HMGN1: variants seen among roughly 807,000 people sequenced by gnomAD.
The protein encoded by HMGN1 is non-histone chromosomal protein HMG-14.
In HMGN1, 9 loss-of-function variants were observed where a neutral mutation model predicts 18.4. The observed-to-expected ratio is 0.49, with a 90% confidence interval of 0.29 to 0.85. The LOEUF (loss-of-function observed/expected upper bound fraction) is 0.85, where lower values mean the gene tolerates loss of function less well. Among genes scored for constraint, HMGN1 ranks in the 40% least tolerant of loss-of-function variants. HMGN1 has a pLI of 0.07. For missense variants in HMGN1, 151 were observed against 119.2 expected, an observed-to-expected ratio of 1.27 and a Z score of -1.24; for synonymous variants, 59 against 45.0, an observed-to-expected ratio of 1.31 and a Z score of -1.24.
At chr21:39,348,639 CG>C (rs2037155138) in intron 1 of HMGN1, 62 bp from the exon 2 acceptor site, 3 of 1,512,396 alleles carry the variant, frequency 2.0e-6, no homozygotes, top group African/African-American at 1.4e-5. Flanking sequence ...CGGGCCCGCC[CG>C]GCCCCGAGAA....
Position 39,348,973 on chromosome 21 carries a change from G to T in HMGN1, c.-56C>A. ...CCTGCGGGGAAGGCGCGTGCCGGGT[G>T]CCTGCGGGCCGCGGCGCGCCGACAG... On this transcript the variant is annotated 5_prime_UTR_variant, in exon 1 of 6. Transcript: ENST00000380749. 1 of 1,204,744 alleles carries T rather than the reference G, an allele frequency of 8.3e-7. No individual in the cohort carries two copies. Among genetic ancestry groups the T allele is most frequent in the Non-Finnish European group, 1.0e-6 (1 of 971,338 alleles). The allele number at this position is 1,204,744 out of a possible 1,614,324, so 74.6% of individuals were successfully genotyped here. A position where few individuals can be genotyped will look rare whatever the true frequency, so the allele number is the denominator to read the frequency against.
At chr21:39,343,188 A>G in intron 5 of HMGN1, 29 bp from the exon 6 acceptor site, 1 of 1,579,246 alleles carries the variant, frequency 6.3e-7, no homozygotes, top group Non-Finnish European at 8.6e-7. Context: ...TGAGATCTTT[A>G]GCATTTAACA....
intron 5 of HMGN1, among the ~76,000 whole-genome samples, chr21:39,343,784 T>C (rs541535573): frequency 3.3e-5 from 5 of 152,324 alleles, no homozygotes; most frequent in Admixed American, 2.0e-4. Context: ...GTACTTCCCC[T>C]ATGTGAAAAC....
Position 39,348,353 on chromosome 21 carries a change from G to A in HMGN1, c.79-14C>T, listed in dbSNP as rs1236679312. The A allele has an allele frequency of 1.1e-5, 18 of 1,614,086 alleles. No homozygotes were observed. The highest frequency in any genetic ancestry group is 1.4e-5 in the Non-Finnish European group (17 of 1,180,042). On this transcript the variant is annotated splice_polypyrimidine_tract_variant and intron_variant, in intron 3 of 5. Transcript: ENST00000380749. The stretch of plus-strand genomic sequence containing the variant: ...TGCAGGAGGTTTCTGAAAGGCAAAA[G>A]CAGCACTGAGCGTCCTCACCCGGGA...
chr21:39,342,814 A>T lies in HMGN1; in HGVS notation c.*298T>A. ...ATGCTTTGTATTATAGGATATAAAA[A>T]CTAACCCCCCATCTGTGGAATGTTA... is the stretch of plus-strand genomic sequence containing the variant. On this transcript the variant is annotated 3_prime_UTR_variant, in exon 6 of 6. Transcript: ENST00000380749. 7.2e-7 allele frequency: 1 copy of T among 1,397,088 alleles called. No homozygotes were observed. Among genetic ancestry groups the T allele is most frequent in the South Asian group, 1.2e-5 (1 of 81,884 alleles). The allele number at this position is 1,397,088 out of a possible 1,614,324, so 86.5% of individuals were successfully genotyped here. A position where few individuals can be genotyped will look rare whatever the true frequency, so the allele number is the denominator to read the frequency against.
intron 1 of HMGN1, 138 bp from the exon 2 acceptor site, chr21:39,348,715 C>A: frequency 8.5e-7 from 1 of 1,183,260 alleles, no homozygotes; most frequent in Non-Finnish European, 1.1e-6. Flanking sequence ...CTCAGCTCCC[C>A]CGGCCGCCAA....
At chr21:39,348,020 C>G (rs1426438942) in intron 4 of HMGN1, 3 of 1,153,874 alleles carry the variant, frequency 2.6e-6, no homozygotes, top group Non-Finnish European at 3.4e-6. Flanking sequence ...ATGTACGCAA[C>G]GCAAAGAATA....
At chr21:39,343,273 T>C in intron 5 of HMGN1, 114 bp from the exon 6 acceptor site, 2 of 1,011,242 alleles carry the variant, frequency 2.0e-6, no homozygotes, top group Non-Finnish European at 2.9e-6. Context: ...TAAAGTCACC[T>C]ACCTACTCTT....
intron 4 of HMGN1, 142 bp downstream of exon 4, chr21:39,348,150 G>C (rs1034286342): frequency 3.6e-6 from 4 of 1,096,492 alleles, no homozygotes; most frequent in South Asian, 3.0e-5. Flanking sequence ...TTACATTTTT[G>C]CCTCGACCAC....
At chr21:39,348,385 G>A (rs1569010266) in intron 3 of HMGN1, 37 bp downstream of exon 3, 2 of 1,614,112 alleles carry the variant, frequency 1.2e-6, no homozygotes, top group Non-Finnish European at 1.7e-6. Flanking sequence ...GGGACGACCC[G>A]CGGAAAACGA....
intron 5 of HMGN1, among the ~76,000 whole-genome samples, chr21:39,343,596 A>C (rs1261118216): frequency 6.6e-6 from 1 of 152,238 alleles, no homozygotes; most frequent in Non-Finnish European, 1.5e-5. Flanking sequence ...TGCCACACAG[A>C]GAACGTATGT....
chr21:39,345,265 A>C lies in HMGN1; in HGVS notation c.136T>G (p.Ser46Ala), dbSNP rs764284664. The change falls in exon 5 of 6, where the codon TCA (serine) becomes GCA (alanine). Residue 46 changes from serine to alanine, a missense_variant. Ser to Ala is a moderately conservative substitution (Grantham distance 99). Transcript: ENST00000380749. ...CCTTTTGTTTGCACTTTTTTGTCTG[A>C]AGATTTATCCTATGATAGAATAAGA... is the stretch of plus-strand genomic sequence containing the variant. Reference protein sequence around the residue: ...PKKAAAKDKSSDKKVQTKGKR... With the variant: ...PKKAAAKDKSADKKVQTKGKR... 6.2e-6 allele frequency: 10 copies of C among 1,612,394 alleles called. No individual in the cohort carries two copies. The Admixed American group carries it at 1.7e-4, about 27-fold the overall frequency.
chr21:39,345,128 C>T lies in HMGN1; in HGVS notation c.255+18G>A, dbSNP rs749135303. 1 of 1,571,444 alleles carries T rather than the reference C, an allele frequency of 6.4e-7. No homozygotes were observed. The highest frequency in any genetic ancestry group is 1.4e-5 in the African/African-American group (1 of 73,384). ...AAGCAATCACACACACACACACACA[C>T]ACACACACACTTCTGACCTCCTCAG... On this transcript the variant is annotated intron_variant, in intron 5 of 5. Coordinates refer to ENST00000380749, the MANE Select transcript of HMGN1 (RefSeq NM_004965.7).
chr21:39,345,103 A>ATCTCACACACACACACAC, intron 5 of HMGN1, 43 bp downstream of exon 5: 1 of 1,490,900 alleles, frequency 6.7e-7, no homozygotes, highest in Non-Finnish European at 8.9e-7. Context: ...TTCAGAGTCA[A>ATCTCACACACACACACAC]AGCAATCACA....
At chr21:39,345,808 C>A (rs1377164707) in intron 4 of HMGN1, 1 of 1,296,416 alleles carries the variant, frequency 7.7e-7, no homozygotes, top group Non-Finnish European at 1.0e-6. Context: ...AAGACCTTAA[C>A]CCTCACATTA....
At position 39,345,136 on chromosome 21, in the gene HMGN1, C is replaced by CACACACACACACA. The variant is rs770112104; in HGVS notation, c.255+9_255+10insTGTGTGTGTGTGT. 6.4e-7 allele frequency: 1 copy of CACACACACACACA among 1,556,584 alleles called. No homozygotes were observed. The highest frequency in any genetic ancestry group is 8.7e-7 in the Non-Finnish European group (1 of 1,149,778). On this transcript the variant is annotated intron_variant, in intron 5 of 5. Coordinates refer to ENST00000380749, the MANE Select transcript of HMGN1 (RefSeq NM_004965.7). ...ACACACACACACACACACACACACA[C>CACACACACACACA]ACTTCTGACCTCCTCAGTCTTCGTT...
chr21:39,344,281 T>TAAGAAGTAC (rs955815729), intron 5 of HMGN1, among the ~76,000 whole-genome samples: 1 of 127,598 alleles, frequency 7.8e-6, no homozygotes, highest in Non-Finnish European at 1.7e-5. Context: ...AAAAAGGAAT[T>TAAGAAGTAC]AAGAAGTACA....
At chr21:39,343,275 C>A in intron 5 of HMGN1, 116 bp from the exon 6 acceptor site, 1 of 1,005,470 alleles carries the variant, frequency 9.9e-7, no homozygotes, top group South Asian at 1.6e-5. Flanking sequence ...AAGTCACCTA[C>A]CTACTCTTGT....
chr21:39,348,516 A>C, intron 2 of HMGN1, 29 bp downstream of exon 2: 2 of 1,613,412 alleles, frequency 1.2e-6, no homozygotes, highest in Non-Finnish European at 1.7e-6. Context: ...CGGGAAACCC[A>C]CCACCCCCCG....
Sources: gnomAD v4.1 joint callset for allele counts (sites outside exome capture counted in the v4.1 genomes callset) on GRCh38, gnomAD v4.1.1 for gene constraint, MANE v1.5 for transcripts, NCBI Gene and HGNC (gene_info 2026-07-23, HGNC 2026-07-21) for gene names.